The following SMIM19 variants were observed in gnomAD, a reference collection of about 807,000 sequenced individuals.
The protein encoded by SMIM19 is UPF0697 protein C8orf40.
A neutral mutation model predicts 13.2 loss-of-function variants in SMIM19; 6 were observed. The observed-to-expected ratio is 0.45, with a 90% CI of 0.25 to 0.90. The LOEUF (loss-of-function observed/expected upper bound fraction) is 0.90, where lower values mean the gene tolerates loss of function less well. Among genes scored for constraint, SMIM19 ranks in the 40% least tolerant of loss-of-function variants. The pLI, the probability that SMIM19 is intolerant of heterozygous loss-of-function variation, is 0.19. For missense variants in SMIM19, 138 were observed against 131.0 expected, an observed-to-expected ratio of 1.05 and a Z score of -0.26; for synonymous variants, 46 against 43.1, an observed-to-expected ratio of 1.07 and a Z score of -0.27.
At position 42,555,008 on chromosome 8, in the gene SMIM19, T is replaced by C. The variant is rs1215216985; in HGVS notation, c.*2400T>C. 1 of 152,236 alleles carries C rather than the reference T, an allele frequency of 6.6e-6. No homozygotes were observed. Among genetic ancestry groups the C allele is most frequent in the Non-Finnish European group, 1.5e-5 (1 of 68,044 alleles). 9.4% of individuals were successfully genotyped at this position (152,236 alleles called of 1,614,324 possible). On this transcript the variant is annotated 3_prime_UTR_variant, in exon 4 of 4. Transcript: ENST00000417410. ...TGTTTGCTGTTGACCTCACGCTGTG[T>C]CTGGTTGAGTTATTCATGATTCATC...
intron 3 of SMIM19, among the ~76,000 whole-genome samples, chr8:42,549,835 G>A (rs1359011935): frequency 6.6e-6 from 1 of 151,886 alleles, no homozygotes. Flanking sequence ...GATGGCTCAC[G>A]CCTGTAATCC....
rs978941831 is a variant in SMIM19, at chr8:42,553,565, A to G, written c.*957A>G. On this transcript the variant is annotated 3_prime_UTR_variant, in exon 4 of 4. Transcript: ENST00000417410. ...ATCTTTTCCCATGCTGTACTGTACAATGAAATGTTTTTACCTAATTTTTCA... is the reference window on the plus strand; with the variant it reads ...ATCTTTTCCCATGCTGTACTGTACAGTGAAATGTTTTTACCTAATTTTTCA... 1 of 152,256 alleles carries G rather than the reference A, an allele frequency of 6.6e-6. No homozygotes were observed. The highest frequency in any genetic ancestry group is 2.4e-5 in the African/African-American group (1 of 41,472). The allele number at this position is 152,256 out of a possible 1,614,324, so 9.4% of individuals were successfully genotyped here. A position where few individuals can be genotyped will look rare whatever the true frequency, so the allele number is the denominator to read the frequency against.
intron 1 of SMIM19, 35 bp from the exon 2 acceptor site, chr8:42,546,434 T>C (rs1813485706): frequency 6.3e-7 from 1 of 1,575,134 alleles, no homozygotes; most frequent in Non-Finnish European, 8.6e-7. Flanking sequence ...CCATCATTAA[T>C]TAAAAGAAAC....
chr8:42,552,999 T>C lies in SMIM19; in HGVS notation c.*391T>C, dbSNP rs1813719420. ...ATAATAACTTCCTGTTTCATTGTATTCTGTGAGTGATAAGTGTCAGATCAA... is the reference window on the plus strand; with the variant it reads ...ATAATAACTTCCTGTTTCATTGTATCCTGTGAGTGATAAGTGTCAGATCAA... On this transcript the variant is annotated 3_prime_UTR_variant, in exon 4 of 4. Transcript: ENST00000417410. The C allele has an allele frequency of 6.0e-6, 1 of 166,000 alleles. No homozygotes were observed. The highest frequency in any genetic ancestry group is 5.9e-5 in the Admixed American group (1 of 16,816). 10.3% of individuals were successfully genotyped at this position (166,000 alleles called of 1,614,324 possible). A position where few individuals can be genotyped will look rare whatever the true frequency, so the allele number is the denominator to read the frequency against.
At chr8:42,546,724 C>A in intron 2 of SMIM19, 118 bp downstream of exon 2, 1 of 1,246,462 alleles carries the variant, frequency 8.0e-7, no homozygotes, top group South Asian at 1.5e-5. Context: ...GTGGCTCACA[C>A]CTGTAATCCC....
chr8:42,545,467 C>G (rs1382802763), intron 1 of SMIM19, among the ~76,000 whole-genome samples: 4 of 152,192 alleles, frequency 2.6e-5, no homozygotes, highest in East Asian at 3.8e-4. Context: ...CATGTTCTGG[C>G]TGTCACATCC....
At chr8:42,542,853 G>A (rs1228051639) in intron 1 of SMIM19, among the ~76,000 whole-genome samples, 2 of 151,330 alleles carry the variant, frequency 1.3e-5, no homozygotes, top group South Asian at 4.2e-4. Context: ...GGTGGCACTT[G>A]CCTGTATTCC....
intron 3 of SMIM19, among the ~76,000 whole-genome samples, chr8:42,551,437 T>G (rs994042633): frequency 1.3e-5 from 2 of 152,210 alleles, no homozygotes; most frequent in Non-Finnish European, 2.9e-5. Context: ...CAATTAACGT[T>G]TCTTAGAAGT....
intron 3 of SMIM19, among the ~76,000 whole-genome samples, chr8:42,549,311 C>T (rs1293171619): frequency 6.6e-6 from 1 of 151,782 alleles, no homozygotes; most frequent in Non-Finnish European, 1.5e-5. Flanking sequence ...ACTCGGGAGG[C>T]AGAGGCAGGA....
In SMIM19 at chr8:42,545,449, G is replaced by A. The variant is rs1464573818; in HGVS notation, c.-4-1020G>A. Among the ~76,000 whole-genome samples the A allele has an allele frequency of 2.0e-5, 3 of 152,194 alleles. No homozygotes were observed. In the East Asian group the frequency reaches 5.8e-4, roughly 29 times the overall value. On this transcript the variant is annotated intron_variant, in intron 1 of 3. Coordinates refer to ENST00000417410, the MANE Select transcript of SMIM19 (RefSeq NM_001135674.2). ...TCCCAGTGTGGGAGGCATGCGGGGT[G>A]AGAGAGCCATGTTCTGGCTGTCACA...
In SMIM19 at chr8:42,546,454, T is replaced by C; in HGVS notation, c.-4-15T>C. Reference sequence around the variant, plus strand: ...ATTAATTAAAAGAAACCCTGCTTTCTTTTCTCTCTTACAGCCCCATGGCTG... The same window carrying C: ...ATTAATTAAAAGAAACCCTGCTTTCCTTTCTCTCTTACAGCCCCATGGCTG... On this transcript the variant is annotated splice_polypyrimidine_tract_variant and intron_variant, in intron 1 of 3. Transcript: ENST00000417410. The C allele has an allele frequency of 6.3e-7, 1 of 1,587,046 alleles. No homozygotes were observed. Among genetic ancestry groups the C allele is most frequent in the East Asian group, 2.2e-5 (1 of 44,732 alleles).
intron 3 of SMIM19, among the ~76,000 whole-genome samples, chr8:42,548,993 A>G (rs1311682868): frequency 6.6e-6 from 1 of 152,202 alleles, no homozygotes; most frequent in East Asian, 1.9e-4. Context: ...TAAGACATAT[A>G]ACTTAATTCA....
At chr8:42,545,355 T>C (rs1006569171) in intron 1 of SMIM19, among the ~76,000 whole-genome samples, 4 of 152,166 alleles carry the variant, frequency 2.6e-5, no homozygotes, top group African/African-American at 7.2e-5. Flanking sequence ...AAAATGTATC[T>C]TTTCATCCCA....
At chr8:42,550,096 T>TA (rs1390175579) in intron 3 of SMIM19, among the ~76,000 whole-genome samples, 5 of 151,366 alleles carry the variant, frequency 3.3e-5, no homozygotes, top group Admixed American at 6.6e-5. Flanking sequence ...AACTTCGTCT[T>TA]AAAAAAAATA....
At chr8:42,546,928 G>GCCGAGATCCCACCAC (rs11269558) in intron 2 of SMIM19, among the ~76,000 whole-genome samples, 1 of 151,080 alleles carries the variant, frequency 6.6e-6, no homozygotes, top group East Asian at 1.9e-4. Context: ...GGTTGCAGTG[G>GCCGAGATCCCACCAC]TGTACTCCAG....
Position 42,552,950 on chromosome 8 carries a change from A to G in SMIM19, c.*342A>G, listed in dbSNP as rs1813718456. On this transcript the variant is annotated 3_prime_UTR_variant, in exon 4 of 4. Coordinates refer to ENST00000417410, the MANE Select transcript of SMIM19 (RefSeq NM_001135674.2). ...TTTATGCCATTTGCAATATTAAAAA[A>G]TAAAAATGCAAGTTATTATTTCAAT... is the stretch of plus-strand genomic sequence containing the variant. The G allele has an allele frequency of 4.8e-6, 1 of 209,546 alleles. No homozygotes were observed. Among genetic ancestry groups the G allele is most frequent in the Non-Finnish European group, 9.5e-6 (1 of 105,274 alleles). The allele number at this position is 209,546 out of a possible 1,614,324, so 13.0% of individuals were successfully genotyped here. A position where few individuals can be genotyped will look rare whatever the true frequency, so the allele number is the denominator to read the frequency against.
chr8:42,547,641 A>G (rs1475254821), intron 2 of SMIM19, among the ~76,000 whole-genome samples: 1 of 152,196 alleles, frequency 6.6e-6, no homozygotes, highest in Non-Finnish European at 1.5e-5. Flanking sequence ...TTATTAAACA[A>G]TGTTAGTTTT....
Position 42,542,166 on chromosome 8 carries a change from C to T in SMIM19, c.-212C>T, listed in dbSNP as rs1813256666. ...ACTGGAAGAGTTCAGGTTTGGGAGTCGTGTGTATAACAGCCCCGCGCCTCC... is the reference window on the plus strand; with the variant it reads ...ACTGGAAGAGTTCAGGTTTGGGAGTTGTGTGTATAACAGCCCCGCGCCTCC... On this transcript the variant is annotated 5_prime_UTR_variant, in exon 1 of 4. Transcript: ENST00000417410. 1 of 151,896 alleles carries T rather than the reference C, an allele frequency of 6.6e-6. No individual in the cohort carries two copies. The highest frequency in any genetic ancestry group is 2.4e-5 in the African/African-American group (1 of 41,322). The allele number at this position is 151,896 out of a possible 1,614,324, so 9.4% of individuals were successfully genotyped here. A position where few individuals can be genotyped will look rare whatever the true frequency, so the allele number is the denominator to read the frequency against.
At chr8:42,545,444 G>A (rs574889282) in intron 1 of SMIM19, among the ~76,000 whole-genome samples, 3 of 152,272 alleles carry the variant, frequency 2.0e-5, no homozygotes, top group South Asian at 4.1e-4. Flanking sequence ...GGAGGCATGC[G>A]GGGTGAGAGA....
Sources: gnomAD v4.1 joint callset for allele counts (sites outside exome capture counted in the v4.1 genomes callset) on GRCh38, gnomAD v4.1.1 for gene constraint, MANE v1.5 for transcripts, NCBI Gene and HGNC (gene_info 2026-07-23, HGNC 2026-07-21) for gene names.